SERPINB13: variants seen among roughly 807,000 people sequenced by gnomAD.
The protein encoded by SERPINB13 is serpin B13.
SERPINB13 carries 26 observed loss-of-function variants against 31.2 expected under a neutral mutation model. The ratio of observed to expected loss-of-function variants is 0.83; its 90% CI spans 0.61 to 1.15. The LOEUF (loss-of-function observed/expected upper bound fraction) is 1.15, where lower values mean the gene tolerates loss of function less well. Ranked by LOEUF, SERPINB13 falls within the 50% of genes most tolerant of loss-of-function variation. The pLI, the probability that SERPINB13 is intolerant of heterozygous loss-of-function variation, is 0.00. For missense variants in SERPINB13, 510 were observed against 469.4 expected (o/e 1.09, Z -0.80); for synonymous variants, 191 against 172.4 (o/e 1.11, Z -0.85).
intron 1 of SERPINB13, among the ~76,000 whole-genome samples, chr18:63,588,437 C>G (rs1054660951): frequency 6.6e-6 from 1 of 152,120 alleles, no homozygotes; most frequent in Non-Finnish European, 1.5e-5. Context: ...TGAGCACCAC[C>G]GGATGACGGA....
chr18:63,588,758 C>T lies in SERPINB13; in HGVS notation c.91C>T (p.Pro31Ser), dbSNP rs576967706. The T allele has an allele frequency of 2.5e-6, 4 of 1,614,098 alleles. No homozygotes were observed. The South Asian group carries it at 3.3e-5, about 13-fold the overall frequency. Residue 31 changes from proline to serine, a missense_variant, in exon 2 of 8, where the codon CCT becomes TCT. Pro to Ser is a moderately conservative substitution (Grantham distance 74). Coordinates refer to ENST00000344731, the MANE Select transcript of SERPINB13 (RefSeq NM_012397.4). ...AAATGATGGCAACATCTTCTTTTCC[C>T]CTGTGGGCATCTTGACTGCAATTGG... ...KTNDGNIFFSPVGILTAIGMV... is the reference protein window; with the variant it reads ...KTNDGNIFFSSVGILTAIGMV...
At chr18:63,596,918 T>C (rs1387369029) in intron 7 of SERPINB13, 41 bp from the exon 8 acceptor site, 4 of 1,490,120 alleles carry the variant, frequency 2.7e-6, no homozygotes, top group Non-Finnish European at 2.7e-6. Flanking sequence ...TAGATTTTTA[T>C]TGATAATCAT....
At chr18:63,589,466 C>CACACAT (rs749777772) in intron 2 of SERPINB13, among the ~76,000 whole-genome samples, 190 bp from the exon 3 acceptor site, 153 of 108,976 alleles carry the variant, frequency 1.4e-3, no homozygotes, top group Middle Eastern at 9.5e-3. Flanking sequence ...CACACACACA[C>CACACAT]ACACACACAC....
intron 5 of SERPINB13, 31 bp from the exon 6 acceptor site, chr18:63,594,324 G>T: frequency 6.2e-7 from 1 of 1,613,020 alleles, no homozygotes; most frequent in Non-Finnish European, 8.5e-7. Context: ...TTGGAAGATG[G>T]GTCAACCTTT....
rs1468868593 is a variant in SERPINB13, at chr18:63,598,080, AG to A, written c.*718del. The A allele has an allele frequency of 6.6e-6, 1 of 150,510 alleles. No homozygotes were observed. The highest frequency in any genetic ancestry group is 2.4e-5 in the African/African-American group (1 of 40,984). The allele number at this position is 150,510 out of a possible 1,614,324, so 9.3% of individuals were successfully genotyped here. On this transcript the variant is annotated 3_prime_UTR_variant, in exon 8 of 8. Coordinates refer to ENST00000344731, the MANE Select transcript of SERPINB13 (RefSeq NM_012397.4). ...AAATATTTGGACTAACTTTTAGAAA[AG>A]TTTCCCTTTTTTTCTCCATTTACAT...
chr18:63,594,525 G>A (rs764175052), intron 6 of SERPINB13, 28 bp downstream of exon 6: 3 of 1,610,184 alleles, frequency 1.9e-6, no homozygotes, highest in Non-Finnish European at 2.5e-6. Context: ...TTTTCGTGAT[G>A]TGCTTACACA....
At chr18:63,596,911 A>G (rs1568149320) in intron 7 of SERPINB13, 48 bp from the exon 8 acceptor site, 5 of 1,471,480 alleles carry the variant, frequency 3.4e-6, no homozygotes, top group South Asian at 1.3e-5. Flanking sequence ...ACTGTTTTAG[A>G]TTTTTATTGA....
intron 7 of SERPINB13, 90 bp downstream of exon 7, chr18:63,595,274 C>T: frequency 7.5e-7 from 1 of 1,335,590 alleles, no homozygotes; most frequent in South Asian, 1.4e-5. Flanking sequence ...CCAGCAGTGT[C>T]AAATAGAAAG....
In SERPINB13 at chr18:63,594,383, C is replaced by G; in HGVS notation, c.501C>G (p.Gly167=). Residue 167 remains glycine, a synonymous_variant, in exon 6 of 8, where the codon GGC becomes GGG. Coordinates refer to ENST00000344731, the MANE Select transcript of SERPINB13 (RefSeq NM_012397.4). ...AAATCAAGGACTTGTTCCCAGATGG[C>G]TCTATTAGTAGCTCTACCAAGCTGG... The part of the protein sequence containing the change: ...NEKIKDLFPD[G]SISSSTKLVL... The G allele has an allele frequency of 6.2e-7, 1 of 1,614,094 alleles. No individual in the cohort carries two copies. Among genetic ancestry groups the G allele is most frequent in the Non-Finnish European group, 8.5e-7 (1 of 1,180,002 alleles).
chr18:63,588,801 C>A lies in SERPINB13; in HGVS notation c.134C>A (p.Thr45Asn). 1 of 1,614,084 alleles carries A rather than the reference C, an allele frequency of 6.2e-7. No homozygotes were observed. The highest frequency in any genetic ancestry group is 8.5e-7 in the Non-Finnish European group (1 of 1,179,998). Residue 45 changes from threonine (T) to asparagine (N), a missense_variant, in exon 2 of 8, where the codon ACC becomes AAC. By Grantham distance (65) the Thr-to-Asn change is moderately conservative (BLOSUM62 0). Transcript: ENST00000344731. ...GCAATTGGCATGGTCCTCCTGGGGA[C>A]CCGAGGAGCCACCGCTTCCCAGTTG... is the stretch of plus-strand genomic sequence containing the variant. Reference protein sequence around the residue: ...LTAIGMVLLGTRGATASQLEE... With the variant: ...LTAIGMVLLGNRGATASQLEE...
At position 63,592,846 on chromosome 18, in the gene SERPINB13, T is replaced by G. The variant is rs1419571720; in HGVS notation, c.355-8T>G. ...CCTCTTTTTATTCCTTCCTTGTTTC[T>G]CCTAAAGAAATACTTAGATTATGTT... On this transcript the variant is annotated splice_polypyrimidine_tract_variant and splice_region_variant and intron_variant, in intron 4 of 7. Transcript: ENST00000344731. The G allele has an allele frequency of 6.6e-7, 1 of 1,515,064 alleles. No homozygotes were observed. Among genetic ancestry groups the G allele is most frequent in the African/African-American group, 1.4e-5 (1 of 71,592 alleles). The allele number at this position is 1,515,064 out of a possible 1,614,324, so 93.9% of individuals were successfully genotyped here.
chr18:63,591,300 G>A (rs1911835683), intron 3 of SERPINB13, among the ~76,000 whole-genome samples: 1 of 152,090 alleles, frequency 6.6e-6, no homozygotes, highest in Non-Finnish European at 1.5e-5. Context: ...ATTTTAAGGG[G>A]ATACTTATAG....
chr18:63,588,354 A>G (rs1014526431), intron 1 of SERPINB13, among the ~76,000 whole-genome samples: 1 of 152,204 alleles, frequency 6.6e-6, no homozygotes, highest in African/African-American at 2.4e-5. Context: ...AGGCAGAGAC[A>G]GGCAGGGTCA....
intron 1 of SERPINB13, 30 bp downstream of exon 1, chr18:63,587,480 AC>A (rs1411133137): frequency 2.1e-6 from 1 of 467,940 alleles, no homozygotes; most frequent in Non-Finnish European, 4.4e-6. Context: ...CCAATTTAAG[AC>A]CTCTGTATTT....
intron 4 of SERPINB13, 81 bp downstream of exon 4, chr18:63,592,557 G>C: frequency 4.2e-6 from 6 of 1,415,012 alleles, no homozygotes; most frequent in Non-Finnish European, 5.8e-6. Context: ...GGGTCCTGAA[G>C]TCGTGCTGCC....
intron 5 of SERPINB13, chr18:63,594,018 T>A (rs1912006470): frequency 1.8e-6 from 1 of 551,822 alleles, no homozygotes; most frequent in South Asian, 1.5e-5. Context: ...TTTATTCCTA[T>A]TTTACAGATG....
chr18:63,596,642 G>A (rs944442221), intron 7 of SERPINB13, among the ~76,000 whole-genome samples: 2 of 152,144 alleles, frequency 1.3e-5, no homozygotes, highest in Non-Finnish European at 2.9e-5. Flanking sequence ...TTGCAACTAT[G>A]TAAATATATA....
intron 3 of SERPINB13, 56 bp downstream of exon 3, chr18:63,589,771 T>G: frequency 6.2e-7 from 1 of 1,612,496 alleles, no homozygotes; most frequent in Non-Finnish European, 8.5e-7. Flanking sequence ...CAAACTTCAG[T>G]AGAGTTGCAT....
intron 5 of SERPINB13, chr18:63,594,008 T>G (rs1410850736): frequency 3.8e-6 from 2 of 525,762 alleles, no homozygotes; most frequent in African/African-American, 3.9e-5. Flanking sequence ...TGAGGCAGAT[T>G]TTATTCCTAT....
Sources: allele counts gnomAD v4.1 joint callset (sites outside exome capture counted in the v4.1 genomes callset), GRCh38; gene constraint gnomAD v4.1.1; transcripts MANE v1.5; gene names NCBI Gene and HGNC (gene_info 2026-07-23, HGNC 2026-07-21).